Variants in NISCH observed in about 807,000 individuals in gnomAD.
NISCH encodes the protein nischarin, also known as I-1 receptor candidate protein.
In NISCH, 55 loss-of-function variants were observed where a neutral mutation model predicts 138.4. That is an observed-to-expected ratio of 0.40 (90% CI 0.32 to 0.50). The LOEUF (loss-of-function observed/expected upper bound fraction) is 0.50, where lower values mean the gene tolerates loss of function less well. NISCH is among the 20% of genes least tolerant of loss of function. NISCH has a pLI of 0.71. For synonymous variants in NISCH, 860 were observed against 861.5 expected (o/e 1.00, Z 0.03); for missense variants, 1,643 against 2,005.5 (o/e 0.82, Z 3.45).
chr3:52,458,441 A>G (rs1706538929), intron 2 of NISCH, among the ~76,000 whole-genome samples: 1 of 152,212 alleles, frequency 6.6e-6, no homozygotes, highest in Non-Finnish European at 1.5e-5. Context: ...TAAAGTCTCC[A>G]GATGGAATTC....
At chr3:52,484,708 G>GT in intron 14 of NISCH, 71 bp downstream of exon 14, 1 of 1,578,116 alleles carries the variant, frequency 6.3e-7, no homozygotes, top group Non-Finnish European at 8.7e-7. Context: ...GTTGTGTGCA[G>GT]TAGGAAGTGG....
At chr3:52,469,640 G>T (rs116798562) in intron 3 of NISCH, among the ~76,000 whole-genome samples, 1 of 152,242 alleles carries the variant, frequency 6.6e-6, no homozygotes, top group Non-Finnish European at 1.5e-5. Flanking sequence ...TTGGCTAGGG[G>T]CAGTGGCTCA....
chr3:52,458,251 T>TTACTTTAATATCTGGCTGTGATTCCA (rs1706532185), intron 2 of NISCH, among the ~76,000 whole-genome samples: 2 of 152,252 alleles, frequency 1.3e-5, no homozygotes, highest in Admixed American at 1.3e-4. Flanking sequence ...TTCCAAAGCC[T>TTACTTTAATATCTGGCTGTGATTCCA]TACTTTAATA....
chr3:52,458,641 T>C (rs370386661), intron 2 of NISCH, 21 bp from the exon 3 acceptor site: 19 of 1,605,268 alleles, frequency 1.2e-5, no homozygotes, highest in Non-Finnish European at 1.6e-5. Flanking sequence ...CTGTGGTTGA[T>C]GTGCTTATGT....
At position 52,488,613 on chromosome 3, in the gene NISCH, C is replaced by G. The variant is rs201440393; in HGVS notation, c.3113+8C>G. ...TGCCGAGCGCAGGGCCAGGTGAGAT[C>G]AAGCACAGCTCTCAGGGGCCCCGGG... is the stretch of plus-strand genomic sequence containing the variant. On this transcript the variant is annotated splice_region_variant and intron_variant, in intron 16 of 20. Transcript: ENST00000345716. The G allele has an allele frequency of 1.2e-5, 19 of 1,600,542 alleles. No homozygotes were observed. In the Admixed American group the frequency reaches 3.0e-4, roughly 26 times the overall value.
rs200762525 is a variant in NISCH at position 52,489,590 on chromosome 3, C to G, written c.3368C>G (p.Ser1123Trp). 3 of 1,613,212 alleles carry G rather than the reference C, an allele frequency of 1.9e-6. No homozygotes were observed. In the South Asian group the frequency reaches 3.3e-5, roughly 18 times the overall value. ...QATSEENQIP[S>W]HLPACPSLRH... ...ACCTCGGAGGAGAATCAGATCCCCT[C>G]GCACTTGCCTGCCTGCCCGTCGCTC... The change falls in exon 17 of 21, where the codon TCG (serine) becomes TGG (tryptophan). Residue 1123 changes from serine to tryptophan, a missense_variant. Transcript: ENST00000345716.
In NISCH at chr3:52,492,682, C is replaced by A; in HGVS notation, c.*200C>A. On this transcript the variant is annotated 3_prime_UTR_variant, in exon 21 of 21. Transcript: ENST00000345716. ...AGAATGCCGGGCCCCTCAGGGCTGTCGGTGTGCTGTCAGCCTCCCACAGGT... is the reference window on the plus strand; with the variant it reads ...AGAATGCCGGGCCCCTCAGGGCTGTAGGTGTGCTGTCAGCCTCCCACAGGT... 1.4e-6 allele frequency: 1 copy of A among 718,634 alleles called. No homozygotes were observed. Among genetic ancestry groups the A allele is most frequent in the Non-Finnish European group, 2.2e-6 (1 of 452,140 alleles). The allele number at this position is 718,634 out of a possible 1,614,324, so 44.5% of individuals were successfully genotyped here.
chr3:52,469,461 G>A (rs896013850), intron 3 of NISCH, among the ~76,000 whole-genome samples: 2 of 152,210 alleles, frequency 1.3e-5, no homozygotes, highest in East Asian at 1.9e-4. Flanking sequence ...TTTGTGAAAC[G>A]GAGCTCAAGA....
chr3:52,474,229 T>C (rs1043439945), intron 7 of NISCH, among the ~76,000 whole-genome samples: 1 of 152,184 alleles, frequency 6.6e-6, no homozygotes. Context: ...TTCTCCTACC[T>C]CAGCCTCCCA....
In NISCH at chr3:52,471,872, C is replaced by T. The variant is rs759472935; in HGVS notation, c.468C>T (p.Ala156=). 1.4e-5 allele frequency: 22 copies of T among 1,613,600 alleles called. No homozygotes were observed. Among genetic ancestry groups the T allele is most frequent in the Middle Eastern group, 1.6e-4 (1 of 6,082 alleles). ...CCATTGGACCCCTGCAGCTGTATGC[C>T]GTCACGGAGCAGCTGCAGCAGGGAA... The part of the protein sequence containing the change: ...VFAIGPLQLY[A]VTEQLQQGKP... The change falls in exon 5 of 21, where the codon GCC becomes GCT. Residue 156 remains alanine (A), a synonymous_variant. Transcript: ENST00000345716.
At chr3:52,477,738 GT>G (rs1707145496) in intron 9 of NISCH, 96 bp downstream of exon 9, 7 of 1,022,226 alleles carry the variant, frequency 6.8e-6, no homozygotes, top group Non-Finnish European at 1.1e-5. Context: ...TTGGCCAGGG[GT>G]TGTAAGGGCA....
chr3:52,455,740 T>C lies in NISCH; in HGVS notation c.93+6T>C. 1 of 1,351,592 alleles carries C rather than the reference T, an allele frequency of 7.4e-7. No individual in the cohort carries two copies. The highest frequency in any genetic ancestry group is 9.6e-7 in the Non-Finnish European group (1 of 1,041,092). The allele number at this position is 1,351,592 out of a possible 1,614,324, so 83.7% of individuals were successfully genotyped here. ...AGCTTGTGGACACTTATACGGTGTG[T>C]TGGGGGCGCGGGCACCCGAAGCGGG... On this transcript the variant is annotated splice_donor_region_variant and intron_variant, in intron 1 of 20. Coordinates refer to ENST00000345716, the MANE Select transcript of NISCH (RefSeq NM_007184.4).
At position 52,487,757 on chromosome 3, in the gene NISCH, C is replaced by G; in HGVS notation, c.2265C>G (p.Ser755=). The G allele has an allele frequency of 6.2e-7, 1 of 1,613,846 alleles. No individual in the cohort carries two copies. Among genetic ancestry groups the G allele is most frequent in the African/African-American group, 1.3e-5 (1 of 75,004 alleles). The change falls in exon 16 of 21, where the codon TCC becomes TCG. Residue 755 remains serine (S), a synonymous_variant. Transcript: ENST00000345716. The surrounding 1 kb of genome is among the most constrained non-coding windows in gnomAD (Gnocchi z 9.1). ...ESRGSSQHIL[S]SLRFVFCFPH... is the part of the protein sequence containing the mutation. ...GGGGCAGCAGCCAGCACATCCTCTCCTCCCTGCGCTTTGTCTTTTGCTTCC... is the reference window on the plus strand; with the variant it reads ...GGGGCAGCAGCCAGCACATCCTCTCGTCCCTGCGCTTTGTCTTTTGCTTCC...
At chr3:52,484,462 T>TTGGCG in intron 13 of NISCH, 51 bp from the exon 14 acceptor site, 18 of 788,668 alleles carry the variant, frequency 2.3e-5, no homozygotes, top group East Asian at 3.5e-5. Context: ...ACAGCCGCTC[T>TTGGCG]CCCCGCCCCA....
Position 52,491,464 on chromosome 3 carries a change from G to A in NISCH, c.3855G>A (p.Pro1285=), listed in dbSNP as rs761604637. 37 of 1,613,270 alleles carry A rather than the reference G, an allele frequency of 2.3e-5. No homozygotes were observed. Among genetic ancestry groups the A allele is most frequent in the East Asian group, 1.1e-4 (5 of 44,886 alleles). Residue 1285 remains proline, a synonymous_variant, in exon 20 of 21, where the codon CCG becomes CCA. Transcript: ENST00000345716. The stretch of plus-strand genomic sequence containing the variant: ...CCTCTCTGGAACGCACGCCCTCGCC[G>A]GAGCCTGTTGACAAGGACTTCTACT... ...VLSSLERTPS[P]EPVDKDFYSE...
rs1417215662 is a variant in NISCH at position 52,492,594 on chromosome 3, T to C, written c.*112T>C. 6 of 1,261,930 alleles carry C rather than the reference T, an allele frequency of 4.8e-6. No homozygotes were observed. The highest frequency in any genetic ancestry group is 1.5e-5 in the African/African-American group (1 of 66,380). The allele number at this position is 1,261,930 out of a possible 1,614,324, so 78.2% of individuals were successfully genotyped here. A position where few individuals can be genotyped will look rare whatever the true frequency, so the allele number is the denominator to read the frequency against. ...CCTCCCTTTGGTACCTTAATTTGACTGTCCTCGCAGAGAATGTGAACATGT... is the reference window on the plus strand; with the variant it reads ...CCTCCCTTTGGTACCTTAATTTGACCGTCCTCGCAGAGAATGTGAACATGT... On this transcript the variant is annotated 3_prime_UTR_variant, in exon 21 of 21. Transcript: ENST00000345716.
chr3:52,481,054 A>G, intron 13 of NISCH: 1 of 1,349,918 alleles, frequency 7.4e-7, no homozygotes, highest in South Asian at 2.0e-5. Context: ...GGTCTTGGGA[A>G]AACAGTTCAA....
intron 3 of NISCH, among the ~76,000 whole-genome samples, chr3:52,461,110 C>T (rs1706619995): frequency 6.6e-6 from 1 of 152,164 alleles, no homozygotes; most frequent in Admixed American, 6.5e-5. Flanking sequence ...CGTGGTGACT[C>T]ATGCCTGTAG....
At chr3:52,457,214 G>A (rs540410576) in intron 1 of NISCH, among the ~76,000 whole-genome samples, 5 of 152,290 alleles carry the variant, frequency 3.3e-5, no homozygotes, top group African/African-American at 1.2e-4. Flanking sequence ...GCAGAACCAG[G>A]TTTTTAACCC....
Sources: gnomAD v4.1 joint callset for allele counts (sites outside exome capture counted in the v4.1 genomes callset) on GRCh38, gnomAD v4.1.1 for gene constraint, Gnocchi (gnomAD v3.1) non-coding constraint, MANE v1.5 for transcripts, NCBI Gene and HGNC (gene_info 2026-07-23, HGNC 2026-07-21) for gene names.